Variants in NPHP3 observed in about 807,000 individuals in gnomAD.
NPHP3 encodes nephrocystin-3.
A neutral mutation model predicts 171.9 loss-of-function variants in NPHP3; 123 were observed. That is an observed-to-expected ratio of 0.72 (90% CI 0.62 to 0.83). The LOEUF is 0.83. Among genes scored for constraint, NPHP3 ranks in the 40% least tolerant of loss-of-function variants. The pLI is 0.00. For synonymous variants in NPHP3, 558 were observed against 579.2 expected, an observed-to-expected ratio of 0.96 and a Z score of 0.52; for missense variants, 1,506 against 1,591.9, an observed-to-expected ratio of 0.95 and a Z score of 0.92.
At chr3:132,710,785 A>G (rs1939887112) in intron 6 of NPHP3, among the ~76,000 whole-genome samples, 1 of 152,168 alleles carries the variant, frequency 6.6e-6, no homozygotes, top group African/African-American at 2.4e-5. Flanking sequence ...CCCCTGGAAA[A>G]GCAGTGCAGG....
At chr3:132,708,621 C>A (rs1291753580) in intron 6 of NPHP3, among the ~76,000 whole-genome samples, 1 of 152,100 alleles carries the variant, frequency 6.6e-6, no homozygotes, top group Non-Finnish European at 1.5e-5. Flanking sequence ...AAACAAAATT[C>A]CATTTAAAAA....
rs1340285305 is a variant in NPHP3 at position 132,700,347 on chromosome 3, C to T, written c.1730G>A (p.Arg577Gln). Residue 577 changes from arginine to glutamine, a missense_variant, in exon 11 of 27, where the codon CGA becomes CAA. Arg to Gln is a conservative substitution (Grantham distance 43). Transcript: ENST00000337331. ...GGGATACTATACCTTTAGAGTTAGT[C>T]GTTTAATAATCAAGGAGGACTCTGA... ...TSSESSLIIK[R>Q]LTLKLMQHSW... The T allele has an allele frequency of 1.3e-6, 2 of 1,599,734 alleles. No homozygotes were observed. The highest frequency in any genetic ancestry group is 1.7e-5 in the Admixed American group (1 of 59,970).
chr3:132,702,178 G>A (rs559524643), intron 9 of NPHP3, among the ~76,000 whole-genome samples: 4 of 152,254 alleles, frequency 2.6e-5, no homozygotes, highest in African/African-American at 9.6e-5. Context: ...GGAGCTCACT[G>A]TAGCCCCCAA....
intron 25 of NPHP3, 87 bp from the exon 26 acceptor site, chr3:132,682,905 C>A: frequency 1.2e-6 from 1 of 815,202 alleles, no homozygotes; most frequent in East Asian, 2.5e-5. Flanking sequence ...TTGATTAGTA[C>A]TTTAAAATGT....
intron 6 of NPHP3, 111 bp downstream of exon 6, chr3:132,713,015 G>A: frequency 1.8e-6 from 1 of 552,862 alleles, no homozygotes; most frequent in Non-Finnish European, 3.1e-6. Flanking sequence ...GAATTTCATG[G>A]ATTTTTTTAT....
At chr3:132,721,807 G>A (rs1457452578) in intron 1 of NPHP3, 156 bp downstream of exon 1, 2 of 958,576 alleles carry the variant, frequency 2.1e-6, no homozygotes, top group Admixed American at 4.0e-5. Flanking sequence ...AAAAAGGGGA[G>A]GGTTAAGGAA....
intron 25 of NPHP3, among the ~76,000 whole-genome samples, chr3:132,683,086 C>G (rs1402274352): frequency 2.0e-5 from 3 of 152,144 alleles, no homozygotes; most frequent in African/African-American, 4.8e-5. Context: ...ATGGCTCCCC[C>G]ACCTGATTCT....
chr3:132,716,015 C>CTGCGGCCCATGGGCCTCA (rs1553775013), intron 4 of NPHP3, among the ~76,000 whole-genome samples: 1 of 123,704 alleles, frequency 8.1e-6, no homozygotes, highest in African/African-American at 3.3e-5. Context: ...CTTCTCCAAT[C>CTGCGGCCCATGGGCCTCA]TGTGGCCCAG....
At chr3:132,714,575 T>G (rs1939998819) in intron 5 of NPHP3, among the ~76,000 whole-genome samples, 1 of 150,074 alleles carries the variant, frequency 6.7e-6, no homozygotes, top group Admixed American at 6.6e-5. Flanking sequence ...AATAAATAAA[T>G]TAAATTAGCC....
Position 132,699,356 on chromosome 3 carries a change from C to A in NPHP3, c.1982G>T (p.Trp661Leu). The change falls in exon 13 of 27, where the codon TGG becomes TTG. Residue 661 changes from tryptophan to leucine, a missense_variant. This residue lies in a region of NPHP3 where 930 missense variants were observed against 924.9 expected (regional missense o/e 1.01). Coordinates refer to ENST00000337331, the MANE Select transcript of NPHP3 (RefSeq NM_153240.5). ...SVNVETCPPA[W>L]RLWPTLHLDP... ...AGAACTAAAGTTGGCATCGTACCTC[C>A]ATGCTGGAGGGCATGTTTCTACATT... The A allele has an allele frequency of 6.2e-7, 1 of 1,606,742 alleles. No individual in the cohort carries two copies. The highest frequency in any genetic ancestry group is 8.5e-7 in the Non-Finnish European group (1 of 1,174,104).
intron 26 of NPHP3, 144 bp downstream of exon 26, chr3:132,682,559 C>A: frequency 1.5e-6 from 1 of 652,966 alleles, no homozygotes; most frequent in Admixed American, 2.5e-5. Flanking sequence ...GATACTACTT[C>A]AGTACTTCTT....
Position 132,719,715 on chromosome 3 carries a change from CT to C in NPHP3, c.508del (p.Arg170GlyfsTer18). The C allele has an allele frequency of 6.4e-7, 1 of 1,556,310 alleles. No homozygotes were observed. Among genetic ancestry groups the C allele is most frequent in the Non-Finnish European group, 8.7e-7 (1 of 1,147,470 alleles). Reference sequence around the variant, plus strand: ...ATGTAAGGAATTTACCTTGAATTGCCTTTTAACTTTATCTCTGTCATGTTCA... The same window carrying C: ...ATGTAAGGAATTTACCTTGAATTGCCTTTAACTTTATCTCTGTCATGTTCA... ...TFEHDRDKVK[R>X]QFKIFRETKE... On this transcript the variant is annotated frameshift_variant, in exon 2 of 27. Transcript: ENST00000337331. LOFTEE classifies it high-confidence loss of function.
chr3:132,683,380 T>A lies in NPHP3; in HGVS notation c.3696+19A>T. The A allele has an allele frequency of 2.5e-6, 4 of 1,609,190 alleles. No individual in the cohort carries two copies. The highest frequency in any genetic ancestry group is 3.4e-6 in the Non-Finnish European group (4 of 1,175,972). On this transcript the variant is annotated intron_variant, in intron 25 of 26. Coordinates refer to ENST00000337331, the MANE Select transcript of NPHP3 (RefSeq NM_153240.5). Reference sequence around the variant, plus strand: ...CATAAAATCATTCACTGATACAACGTTAAAATATGGGAACTTACCATTTGG... The same window carrying A: ...CATAAAATCATTCACTGATACAACGATAAAATATGGGAACTTACCATTTGG...
Position 132,682,094 on chromosome 3 carries a change from TGAGA to T in NPHP3, c.3813-8_3813-5del. ...TTCAAAATCTCCTCCTTCATAGCTT[TGAGA>T]GAGAAAACAAAAACTCTTAAAATGA... On this transcript the variant is annotated splice_polypyrimidine_tract_variant and splice_region_variant and intron_variant, in intron 26 of 26. Coordinates refer to ENST00000337331, the MANE Select transcript of NPHP3 (RefSeq NM_153240.5). 4 of 1,613,280 alleles carry T rather than the reference TGAGA, an allele frequency of 2.5e-6. No individual in the cohort carries two copies. Among genetic ancestry groups the T allele is most frequent in the Non-Finnish European group, 3.4e-6 (4 of 1,179,222 alleles).
chr3:132,719,722 C>A lies in NPHP3; in HGVS notation c.502G>T (p.Val168Phe). ...GAATTTACCTTGAATTGCCTTTTAACTTTATCTCTGTCATGTTCAAATGTT... is the reference window on the plus strand; with the variant it reads ...GAATTTACCTTGAATTGCCTTTTAAATTTATCTCTGTCATGTTCAAATGTT... Reference protein sequence around the residue: ...AATFEHDRDKVKRQFKIFRET... With the variant: ...AATFEHDRDKFKRQFKIFRET... Residue 168 changes from valine (V) to phenylalanine (F), a missense_variant, in exon 2 of 27, where the codon GTT becomes TTT. By Grantham distance (50) the Val-to-Phe change is conservative (BLOSUM62 -1). Around this residue, in one of 3 missense-constraint regions of NPHP3, gnomAD observed 930 missense variants for 924.9 expected, o/e 1.01. Coordinates refer to ENST00000337331, the MANE Select transcript of NPHP3 (RefSeq NM_153240.5). The A allele has an allele frequency of 1.3e-6, 2 of 1,559,048 alleles. No homozygotes were observed. Among genetic ancestry groups the A allele is most frequent in the Non-Finnish European group, 1.7e-6 (2 of 1,148,990 alleles).
intron 11 of NPHP3, 49 bp downstream of exon 11, chr3:132,700,285 T>C (rs756560736): frequency 5.7e-6 from 8 of 1,398,722 alleles, no homozygotes; most frequent in Non-Finnish European, 7.1e-6. Flanking sequence ...TCCCAACAAT[T>C]TCTGAATCTA....
intron 14 of NPHP3, 122 bp from the exon 15 acceptor site, chr3:132,696,935 T>C (rs1939469421): frequency 1.2e-6 from 1 of 819,576 alleles, no homozygotes. Context: ...CTGCCATCCG[T>C]GACATCACAA....
chr3:132,697,176 T>G (rs943617803), intron 14 of NPHP3, 84 bp downstream of exon 14: 1 of 934,942 alleles, frequency 1.1e-6, no homozygotes, highest in African/African-American at 1.6e-5. Context: ...ACAGATCCCC[T>G]ATATTGAATT....
At chr3:132,715,055 G>A in intron 5 of NPHP3, 30 bp downstream of exon 5, 1 of 1,570,080 alleles carries the variant, frequency 6.4e-7, no homozygotes, top group Non-Finnish European at 8.8e-7. Context: ...ATTTTAAATT[G>A]GTTGATACAG....
Sources: allele counts gnomAD v4.1 joint callset (sites outside exome capture counted in the v4.1 genomes callset), GRCh38; gene constraint gnomAD v4.1.1; regional missense constraint gnomAD v4.1.1; transcripts MANE v1.5; gene names NCBI Gene and HGNC (gene_info 2026-07-23, HGNC 2026-07-21).